Variants in GRHL3 observed in about 807,000 individuals in gnomAD.
GRHL3 encodes the protein grainyhead like transcription factor 3.
In GRHL3, 20 loss-of-function variants were observed where a neutral mutation model predicts 70.3. That is an observed-to-expected ratio of 0.28 (90% CI 0.20 to 0.41). GRHL3 has a LOEUF of 0.41. Among genes scored for constraint, GRHL3 ranks in the 10% least tolerant of loss-of-function variants. The pLI, the probability that GRHL3 is intolerant of heterozygous loss-of-function variation, is 1.00. For missense variants in GRHL3, 637 were observed against 762.3 expected (o/e 0.84, Z 1.94); for synonymous variants, 299 against 299.9 (o/e 1.00, Z 0.03).
chr1:24,347,577 C>T lies in GRHL3; in HGVS notation c.1629+24C>T, dbSNP rs764616458. 3.2e-5 allele frequency: 51 copies of T among 1,569,884 alleles called. 1 individual carries two copies. The highest frequency in any genetic ancestry group is 1.4e-5 in the African/African-American group (1 of 74,068). On this transcript the variant is annotated intron_variant, in intron 14 of 15. Coordinates refer to ENST00000361548, the MANE Select transcript of GRHL3 (RefSeq NM_198173.3). The stretch of plus-strand genomic sequence containing the variant: ...CGGTAAGCTGCCTGTGGACCCCGCC[C>T]CCCATGGCAGACCCCCTCTAGGCTC...
At chr1:24,360,816 T>C (rs1346464550) in intron 15 of GRHL3, 3 of 1,551,924 alleles carry the variant, frequency 1.9e-6, no homozygotes, top group Non-Finnish European at 2.6e-6. Flanking sequence ...TCCAGAAGAT[T>C]TGGTTTTTAC....
rs199716969 is a variant in GRHL3 at position 24,336,476 on chromosome 1, C to T, written c.267-6C>T. 7 of 1,553,146 alleles carry T rather than the reference C, an allele frequency of 4.5e-6. No individual in the cohort carries two copies. The highest frequency in any genetic ancestry group is 1.7e-4 in the Middle Eastern group (1 of 5,796). On this transcript the variant is annotated splice_polypyrimidine_tract_variant and splice_region_variant and intron_variant, in intron 3 of 15. Coordinates refer to ENST00000361548, the MANE Select transcript of GRHL3 (RefSeq NM_198173.3). ...AGTACACTCAGCCCCTTTTCTTTCT[C>T]CCCAGGTACTACCATGGCATGGAAT... is the stretch of plus-strand genomic sequence containing the variant.
At chr1:24,350,240 GCCAAAGCCAC>G in intron 15 of GRHL3, 118 bp downstream of exon 15, 1 of 740,300 alleles carries the variant, frequency 1.4e-6, no homozygotes, top group Middle Eastern at 3.3e-4. Context: ...CCCCAGCCAG[GCCAAAGCCAC>G]TGGTCACCTC....
In GRHL3 at chr1:24,337,720, G is replaced by A; in HGVS notation, c.771G>A (p.Gln257=). The A allele has an allele frequency of 1.2e-6, 2 of 1,614,228 alleles. No homozygotes were observed. Among genetic ancestry groups the A allele is most frequent in the Non-Finnish European group, 1.7e-6 (2 of 1,180,044 alleles). Residue 257 remains glutamine, a synonymous_variant, in exon 6 of 16, where the codon CAG becomes CAA. Transcript: ENST00000361548. ...CCATGGCCTACCTCAACAAAGGCCA[G>A]TTCTACCCCGTCACCCTGCGGACCC... ...ESPMAYLNKG[Q]FYPVTLRTPA...
At chr1:24,341,471 C>T (rs571320758) in intron 8 of GRHL3, among the ~76,000 whole-genome samples, 5 of 152,312 alleles carry the variant, frequency 3.3e-5, no homozygotes, top group East Asian at 1.9e-4. Context: ...TTATGCCCCA[C>T]GCCTGACTCC....
intron 2 of GRHL3, among the ~76,000 whole-genome samples, chr1:24,333,316 G>C (rs898252046): frequency 6.6e-6 from 1 of 152,122 alleles, no homozygotes; most frequent in African/African-American, 2.4e-5. Flanking sequence ...ATCTGGCTTC[G>C]GGTAATATAG....
chr1:24,345,001 C>G, intron 12 of GRHL3, 70 bp downstream of exon 12: 1 of 1,484,494 alleles, frequency 6.7e-7, no homozygotes, highest in South Asian at 1.1e-5. Flanking sequence ...CCCCTCCACA[C>G]CTGTGCCTCC....
At chr1:24,327,705 C>T (rs1639448098) in intron 1 of GRHL3, among the ~76,000 whole-genome samples, 1 of 152,190 alleles carries the variant, frequency 6.6e-6, no homozygotes, top group South Asian at 2.1e-4. Flanking sequence ...GGTTGGGAGT[C>T]CCCTGGTTTC....
chr1:24,334,822 A>C lies in GRHL3; in HGVS notation c.266+116A>C. On this transcript the variant is annotated intron_variant, in intron 3 of 15. Transcript: ENST00000361548. This position sits in a 1 kb window ranked among gnomAD's most constrained non-coding sequence, Gnocchi z 4.3. ...AGGAGGCACAGTGCTGAGGGCCCAC[A>C]ACACATTTTGGGATTCATGATAATG... The C allele has an allele frequency of 1.7e-6, 1 of 574,098 alleles. No individual in the cohort carries two copies. Among genetic ancestry groups the C allele is most frequent in the South Asian group, 3.2e-5 (1 of 30,814 alleles). 35.6% of individuals were successfully genotyped at this position (574,098 alleles called of 1,614,324 possible). A position where few individuals can be genotyped will look rare whatever the true frequency, so the allele number is the denominator to read the frequency against.
At position 24,364,216 on chromosome 1, in the gene GRHL3, C is replaced by T. The variant is rs893330497; in HGVS notation, c.1726C>T (p.Arg576Cys). The change falls in exon 16 of 16, where the codon CGC becomes TGC. Residue 576 changes from arginine (R) to cysteine (C), a missense_variant. Coordinates refer to the GRHL3 transcript ENST00000350501. ...TTCTCTCCTCCACCCACGCCTGTCTCGCCACCCCCCACCTGACTGTCTTGA... is the reference window on the plus strand; with the variant it reads ...TTCTCTCCTCCACCCACGCCTGTCTTGCCACCCCCCACCTGACTGTCTTGA... 2.4e-5 allele frequency: 37 copies of T among 1,541,826 alleles called. No individual in the cohort carries two copies. Among genetic ancestry groups the T allele is most frequent in the Admixed American group, 4.0e-5 (2 of 49,604 alleles).
downstream of GRHL3, among the ~76,000 whole-genome samples, chr1:24,356,394 C>G (rs1349856022): frequency 3.9e-5 from 6 of 152,126 alleles, no homozygotes; most frequent in Admixed American, 2.0e-4. Flanking sequence ...TGCCCACCAC[C>G]ATGCCCGGCT....
intron 1 of GRHL3, chr1:24,323,252 C>CCATCAT (rs372665313): frequency 4.6e-6 from 3 of 655,824 alleles, no homozygotes; most frequent in Admixed American, 2.3e-5. Context: ...GGTCCGTGGA[C>CCATCAT]CATCATCATC....
chr1:24,331,863 C>T (rs576822841), intron 2 of GRHL3, among the ~76,000 whole-genome samples: 1 of 152,348 alleles, frequency 6.6e-6, no homozygotes, highest in East Asian at 1.9e-4. Context: ...CCCTCAGCAA[C>T]CACCATCGTC....
At chr1:24,340,162 A>G (rs1639982579) in intron 8 of GRHL3, among the ~76,000 whole-genome samples, 1 of 152,216 alleles carries the variant, frequency 6.6e-6, no homozygotes, top group Non-Finnish European at 1.5e-5. Flanking sequence ...CTAGATGGGA[A>G]AACTGAGCCT....
chr1:24,329,494 G>A (rs1435613507), intron 1 of GRHL3, among the ~76,000 whole-genome samples: 4 of 152,212 alleles, frequency 2.6e-5, no homozygotes, highest in Non-Finnish European at 4.4e-5. Context: ...TGGCTGCGTG[G>A]CAAGTGTGTG....
chr1:24,345,993 G>A (rs530660649), intron 12 of GRHL3, among the ~76,000 whole-genome samples: 1 of 152,260 alleles, frequency 6.6e-6, no homozygotes, highest in African/African-American at 2.4e-5. Context: ...AGGCAAGCAG[G>A]GTTATTGCCT....
downstream of GRHL3, among the ~76,000 whole-genome samples, chr1:24,359,993 G>A (rs1640989150): frequency 6.6e-6 from 1 of 152,268 alleles, no homozygotes; most frequent in Admixed American, 6.5e-5. This position sits in a 1 kb window ranked among gnomAD's most constrained non-coding sequence, Gnocchi z 5.3. Context: ...GACAGTCCCT[G>A]GTTAATTTCA....
intron 1 of GRHL3, among the ~76,000 whole-genome samples, chr1:24,326,560 C>T (rs945437288): frequency 1.3e-5 from 2 of 152,180 alleles, no homozygotes; most frequent in East Asian, 3.8e-4. Context: ...GTAGGTCTTA[C>T]TGCCACTAAA....
chr1:24,347,430 T>C (rs776644094), intron 13 of GRHL3, 38 bp from the exon 14 acceptor site: 3 of 1,523,748 alleles, frequency 2.0e-6, no homozygotes, highest in South Asian at 2.2e-5. Flanking sequence ...CCTGTTCACA[T>C]TATCTTCCTT....
Sources: allele counts gnomAD v4.1 joint callset (sites outside exome capture counted in the v4.1 genomes callset), GRCh38; gene constraint gnomAD v4.1.1; non-coding constraint Gnocchi (gnomAD v3.1); transcripts MANE v1.5; gene names NCBI Gene and HGNC (gene_info 2026-07-23, HGNC 2026-07-21).